Variants in ENPP3 observed in about 807,000 individuals in gnomAD.
ENPP3 encodes the protein ectonucleotide pyrophosphatase/phosphodiesterase 3, also known as ectonucleotide pyrophosphatase/phosphodiesterase family member 3.
In ENPP3, 104 loss-of-function variants were observed where a neutral mutation model predicts 117.8. The ratio of observed to expected loss-of-function variants is 0.88; its 90% CI spans 0.75 to 1.04. The LOEUF (loss-of-function observed/expected upper bound fraction) is 1.04, where lower values mean the gene tolerates loss of function less well. ENPP3 is among the 50% of genes least tolerant of loss of function. The pLI, the probability that ENPP3 is intolerant of heterozygous loss-of-function variation, is 0.00. For synonymous variants in ENPP3, 380 were observed against 349.9 expected (o/e 1.09, Z -0.96); for missense variants, 1,026 against 1,051.9 (o/e 0.98, Z 0.34).
intron 15 of ENPP3, among the ~76,000 whole-genome samples, chr6:131,694,650 C>T (rs75828262): frequency 0.01 from 1,566 of 151,800 alleles, 23 homozygotes; most frequent in African/African-American, 0.033. Flanking sequence ...GCCTGGCCAA[C>T]GTGAAGAAAA....
At chr6:131,710,108 C>A in intron 15 of ENPP3, 1 of 1,613,932 alleles carries the variant, frequency 6.2e-7, no homozygotes, top group Non-Finnish European at 8.5e-7. Flanking sequence ...AAGTTAGCAC[C>A]ATTTTCCCAT....
chr6:131,652,937 T>A, intron 5 of ENPP3, 46 bp downstream of exon 5: 1 of 1,302,786 alleles, frequency 7.7e-7, no homozygotes, highest in Non-Finnish European at 1.1e-6. Flanking sequence ...TTAACAAAGG[T>A]GCACATAAGA....
At chr6:131,737,986 T>A in intron 22 of ENPP3, 45 bp from the exon 23 acceptor site, 1 of 1,405,104 alleles carries the variant, frequency 7.1e-7, no homozygotes, top group Non-Finnish European at 9.7e-7. Flanking sequence ...AGTGTCATAT[T>A]TCACTGAAGT....
chr6:131,650,996 T>C (rs1236149572), intron 3 of ENPP3, among the ~76,000 whole-genome samples: 2 of 152,168 alleles, frequency 1.3e-5, no homozygotes, highest in Non-Finnish European at 2.9e-5. Flanking sequence ...CTTGGCTCAC[T>C]GCAACCTCCA....
At chr6:131,728,918 T>C (rs1005595134) in intron 20 of ENPP3, among the ~76,000 whole-genome samples, 1 of 152,240 alleles carries the variant, frequency 6.6e-6, no homozygotes, top group African/African-American at 2.4e-5. Flanking sequence ...GTGTTCCTGT[T>C]GCTAGGTGAT....
At chr6:131,716,806 T>C (rs1779900237) in intron 15 of ENPP3, among the ~76,000 whole-genome samples, 1 of 148,758 alleles carries the variant, frequency 6.7e-6, no homozygotes, top group African/African-American at 2.5e-5. Flanking sequence ...CTCTCTCCAC[T>C]AAAAACACAA....
At chr6:131,726,282 C>T (rs987310764) in intron 20 of ENPP3, 82 bp downstream of exon 20, 1 of 1,318,146 alleles carries the variant, frequency 7.6e-7, no homozygotes, top group East Asian at 2.3e-5. Context: ...TTTTGTTTTG[C>T]AGCAGAGATT....
At chr6:131,679,305 G>C (rs1326538113) in intron 11 of ENPP3, among the ~76,000 whole-genome samples, 1 of 151,796 alleles carries the variant, frequency 6.6e-6, no homozygotes, top group Non-Finnish European at 1.5e-5. Context: ...ATTTTGGCCA[G>C]GATGGTCTTG....
At chr6:131,639,265 A>ATATATATATTTT (rs371737976) in intron 1 of ENPP3, among the ~76,000 whole-genome samples, 6 of 107,186 alleles carry the variant, frequency 5.6e-5, no homozygotes, top group South Asian at 3.3e-4. Context: ...ATATATATAT[A>ATATATATATTTT]TTTTTTTTTT....
rs1176000290 is a variant in ENPP3, at chr6:131,668,455, TC to T, written c.563-2791del. On this transcript the variant is annotated intron_variant, in intron 6 of 24. Coordinates refer to ENST00000357639, the MANE Select transcript of ENPP3 (RefSeq NM_005021.5). Reference sequence around the variant, plus strand: ...GTCTTGAACTCCTGACCTCAGGAGATCCGTCCGCCTCAGCCTCCCAAAATCC... The same window carrying T: ...GTCTTGAACTCCTGACCTCAGGAGATCGTCCGCCTCAGCCTCCCAAAATCC... 2.6e-5 allele frequency among the ~76,000 whole-genome samples: 4 copies of T among 152,146 alleles called. No individual in the cohort carries two copies. In the East Asian group the frequency reaches 7.7e-4, roughly 29 times the overall value.
intron 14 of ENPP3, among the ~76,000 whole-genome samples, chr6:131,693,134 C>T: frequency 6.8e-6 from 1 of 146,134 alleles, no homozygotes; most frequent in South Asian, 2.1e-4. Flanking sequence ...CACACACACA[C>T]ACCCCCAGGA....
chr6:131,686,222 G>C (rs1161908524), intron 14 of ENPP3, among the ~76,000 whole-genome samples: 1 of 152,102 alleles, frequency 6.6e-6, no homozygotes, highest in African/African-American at 2.4e-5. Flanking sequence ...CTCATTTTTT[G>C]TGTGACTAAT....
At chr6:131,729,187 T>C (rs1381278316) in intron 20 of ENPP3, among the ~76,000 whole-genome samples, 1 of 152,210 alleles carries the variant, frequency 6.6e-6, no homozygotes, top group Non-Finnish European at 1.5e-5. Flanking sequence ...TGTGAGTCTT[T>C]GAAACAGGGG....
intron 15 of ENPP3, among the ~76,000 whole-genome samples, chr6:131,718,447 C>G (rs1233031195): frequency 6.6e-6 from 1 of 151,828 alleles, no homozygotes; most frequent in East Asian, 1.9e-4. Context: ...TCGTACCCTT[C>G]TGTTTGTTCC....
chr6:131,679,307 A>G (rs1287262089), intron 11 of ENPP3, among the ~76,000 whole-genome samples: 1 of 151,526 alleles, frequency 6.6e-6, no homozygotes, highest in Non-Finnish European at 1.5e-5. Context: ...TTTGGCCAGG[A>G]TGGTCTTGAA....
rs751737303 is a variant in ENPP3, at chr6:131,674,172, C to G, written c.653C>G (p.Pro218Arg). 1 of 1,545,266 alleles carries G rather than the reference C, an allele frequency of 6.5e-7. No homozygotes were observed. Among genetic ancestry groups the G allele is most frequent in the Admixed American group, 1.7e-5 (1 of 59,744 alleles). The change falls in exon 8 of 25, where the codon CCA (proline) becomes CGA (arginine). Residue 218 changes from proline to arginine, a missense_variant. Physicochemically the swap from Pro to Arg is moderately radical, Grantham distance 103. Coordinates refer to ENST00000357639, the MANE Select transcript of ENPP3 (RefSeq NM_005021.5). ...AAATTATCATTTTAGGGCTTGTATC[C>G]AGAGTCACATGGCATCATTGACAAT... ...NHYTIVTGLY[P>R]ESHGIIDNNM...
chr6:131,731,983 C>T lies in ENPP3; in HGVS notation c.1954-1605C>T, dbSNP rs557715401. 2.6e-5 allele frequency among the ~76,000 whole-genome samples: 4 copies of T among 152,338 alleles called. No homozygotes were observed. In the South Asian group the frequency reaches 6.2e-4, roughly 24 times the overall value. ...GCTTTTTCTGGACTTTTCTCATCTTCAGCTCCTACTTGTTCTATACCTCAG... is the reference window on the plus strand; with the variant it reads ...GCTTTTTCTGGACTTTTCTCATCTTTAGCTCCTACTTGTTCTATACCTCAG... On this transcript the variant is annotated intron_variant, in intron 20 of 24. Transcript: ENST00000357639.
chr6:131,661,199 A>G (rs1345465497), intron 6 of ENPP3, among the ~76,000 whole-genome samples: 4 of 152,170 alleles, frequency 2.6e-5, no homozygotes, highest in Admixed American at 6.6e-5. Flanking sequence ...GGGAGTGCTA[A>G]TATCTCTTTG....
intron 14 of ENPP3, among the ~76,000 whole-genome samples, chr6:131,686,438 G>A (rs1006632708): frequency 6.6e-6 from 1 of 152,092 alleles, no homozygotes; most frequent in Non-Finnish European, 1.5e-5. Context: ...ACCTGGAATG[G>A]TCTTCTGTAA....
Sources: allele counts gnomAD v4.1 joint callset (sites outside exome capture counted in the v4.1 genomes callset), GRCh38; gene constraint gnomAD v4.1.1; transcripts MANE v1.5; gene names NCBI Gene and HGNC (gene_info 2026-07-23, HGNC 2026-07-21).